Variants in LINC00305 observed in about 807,000 individuals in gnomAD.
The protein encoded by LINC00305 is long independently transcribed non-coding RNA 305, also known as long intergenic non-protein coding RNA 305.
rs559301742 is a variant in LINC00305, at chr18:64,084,818, T to C, written n.541-4416A>G. ...GAAACTCAGCCCCATATATCTTTCA[T>C]CTGATAGAAGCCAGCCTTCTCATGA... On this transcript the variant is annotated intron_variant and non_coding_transcript_variant, in intron 3 of 3. Transcript: ENST00000666468. Among the ~76,000 whole-genome samples, 177 of 152,214 alleles carry C rather than the reference T, an allele frequency of 1.2e-3. 1 individual carries two copies. Among genetic ancestry groups the C allele is most frequent in the Non-Finnish European group, 5.9e-4 (40 of 68,036 alleles).
At chr18:64,134,148 T>C (rs986477491) in intron 1 of LINC00305, among the ~76,000 whole-genome samples, 5 of 152,174 alleles carry the variant, frequency 3.3e-5, no homozygotes, top group Admixed American at 1.3e-4. Flanking sequence ...CATCCTGTGA[T>C]ACTGTAAGAA....
intron 1 of LINC00305, among the ~76,000 whole-genome samples, chr18:64,142,399 G>GGTAA (rs1304675268): frequency 1.3e-5 from 2 of 152,126 alleles, no homozygotes; most frequent in African/African-American, 4.8e-5. Context: ...GAGGAATGAG[G>GGTAA]GTCCAATGCT....
At chr18:64,086,043 T>C (rs1214634062) in intron 3 of LINC00305, among the ~76,000 whole-genome samples, 1 of 152,206 alleles carries the variant, frequency 6.6e-6, no homozygotes, top group Non-Finnish European at 1.5e-5. Flanking sequence ...TTTTTGTTGA[T>C]TGGTAAAATG....
intron 1 of LINC00305, among the ~76,000 whole-genome samples, chr18:64,125,535 A>G (rs1568114204): frequency 6.6e-6 from 1 of 152,280 alleles, no homozygotes; most frequent in Admixed American, 6.5e-5. Flanking sequence ...AATATGTTTA[A>G]TGAGATACAT....
chr18:64,132,243 C>T (rs2051412912), intron 1 of LINC00305, among the ~76,000 whole-genome samples: 3 of 152,306 alleles, frequency 2.0e-5, no homozygotes, highest in East Asian at 1.9e-4. Flanking sequence ...CTCCAAAAGA[C>T]AGACAGGCAG....
intron 1 of LINC00305, among the ~76,000 whole-genome samples, chr18:64,144,129 C>G (rs1031079809): frequency 6.6e-6 from 1 of 152,074 alleles, no homozygotes; most frequent in Admixed American, 6.6e-5. Flanking sequence ...AAGAAACTGG[C>G]CTTCTATTAA....
At chr18:64,080,257 T>C (rs1264997795) in exon 4 of LINC00305, 1 of 453,758 alleles carries the variant, frequency 2.2e-6, no homozygotes. Context: ...TCTCCCTAAC[T>C]TGTCATCTTC....
At chr18:64,081,060 C>A (rs908705450) in intron 3 of LINC00305, among the ~76,000 whole-genome samples, 1 of 152,080 alleles carries the variant, frequency 6.6e-6, no homozygotes, top group Non-Finnish European at 1.5e-5. Context: ...ACACATTTAT[C>A]CAATATAATC....
At chr18:64,138,084 A>G (rs1487583559) in intron 1 of LINC00305, among the ~76,000 whole-genome samples, 2 of 152,208 alleles carry the variant, frequency 1.3e-5, no homozygotes, top group African/African-American at 4.8e-5. Context: ...AGCAGTTTGC[A>G]GATCAGCAGA....
intron 1 of LINC00305, among the ~76,000 whole-genome samples, chr18:64,106,255 G>A (rs568963585): frequency 2.6e-4 from 40 of 152,262 alleles, no homozygotes; most frequent in African/African-American, 8.7e-4. Context: ...TTGCTCTTGA[G>A]GTTAGCATCT....
At chr18:64,138,360 T>A (rs1025993981) in intron 1 of LINC00305, among the ~76,000 whole-genome samples, 4 of 152,252 alleles carry the variant, frequency 2.6e-5, no homozygotes, top group Non-Finnish European at 5.9e-5. Flanking sequence ...AATAATATTG[T>A]CTTTGTTTAA....
chr18:64,094,823 C>T (rs1234956896), intron 3 of LINC00305, among the ~76,000 whole-genome samples: 5 of 145,368 alleles, frequency 3.4e-5, no homozygotes, highest in South Asian at 2.1e-4. Flanking sequence ...CACTGTACTC[C>T]AGCCTAAGGG....
intron 1 of LINC00305, among the ~76,000 whole-genome samples, chr18:64,110,772 C>T (rs571451916): frequency 3.4e-4 from 51 of 152,182 alleles, no homozygotes; most frequent in Non-Finnish European, 6.8e-4. Flanking sequence ...ACAAAAGAGC[C>T]TTTGCTTTGG....
chr18:64,091,610 G>A (rs962964517), intron 3 of LINC00305, among the ~76,000 whole-genome samples: 2 of 152,172 alleles, frequency 1.3e-5, no homozygotes, highest in Non-Finnish European at 1.5e-5. Context: ...GTCAAGTCAT[G>A]TTCAAGGCCA....
intron 1 of LINC00305, among the ~76,000 whole-genome samples, chr18:64,131,860 G>A (rs1429754814): frequency 6.6e-6 from 1 of 152,166 alleles, no homozygotes; most frequent in Non-Finnish European, 1.5e-5. Context: ...CATCAGAAAT[G>A]GGGACTGGAT....
At chr18:64,136,729 A>C (rs1207600708) in intron 1 of LINC00305, among the ~76,000 whole-genome samples, 1 of 152,190 alleles carries the variant, frequency 6.6e-6, no homozygotes, top group Admixed American at 6.5e-5. Flanking sequence ...AATATGAAGA[A>C]GGAAATTACA....
rs539102297 is a variant in LINC00305, at chr18:64,128,927, G to A, written n.314+19848C>T. Among the ~76,000 whole-genome samples, 18 of 152,238 alleles carry A rather than the reference G, an allele frequency of 1.2e-4. No individual in the cohort carries two copies. In the South Asian group the frequency reaches 3.5e-3, roughly 30 times the overall value. On this transcript the variant is annotated intron_variant and non_coding_transcript_variant, in intron 1 of 3. Coordinates refer to ENST00000666468, the Ensembl canonical transcript of LINC00305. ...ATATTTTAAATATTGTCCCTGAAATGAGGAGTGGAGAACCTGAGTGGGCTG... is the reference window on the plus strand; with the variant it reads ...ATATTTTAAATATTGTCCCTGAAATAAGGAGTGGAGAACCTGAGTGGGCTG...
At chr18:64,134,389 T>G (rs1359073932) in intron 1 of LINC00305, among the ~76,000 whole-genome samples, 1 of 152,228 alleles carries the variant, frequency 6.6e-6, no homozygotes, top group East Asian at 1.9e-4. Flanking sequence ...CAAGATTTGT[T>G]TTTCTTTATT....
chr18:64,092,545 G>A (rs1451648791), intron 3 of LINC00305, among the ~76,000 whole-genome samples: 1 of 152,246 alleles, frequency 6.6e-6, no homozygotes, highest in Non-Finnish European at 1.5e-5. Context: ...CTGAGTGACA[G>A]AATGAGACTC....
Sources: allele counts gnomAD v4.1 joint callset (sites outside exome capture counted in the v4.1 genomes callset), GRCh38; gene constraint gnomAD v4.1.1; transcripts MANE v1.5; gene names NCBI Gene and HGNC (gene_info 2026-07-23, HGNC 2026-07-21).